The following CD300LG variants were observed in gnomAD, a reference collection of about 807,000 sequenced individuals.
CD300LG encodes the protein CD300 molecule like family member g.
CD300LG carries 29 observed loss-of-function variants against 31.5 expected under a neutral mutation model. The ratio of observed to expected loss-of-function variants is 0.92; its 90% CI spans 0.68 to 1.25. The LOEUF (loss-of-function observed/expected upper bound fraction) is 1.25, where lower values mean the gene tolerates loss of function less well. Ranked by LOEUF, CD300LG falls within the 50% of genes most tolerant of loss-of-function variation. The probability of loss-of-function intolerance (pLI) is 0.00; values close to 1 mark genes in which losing one functional copy is unlikely to be tolerated. For synonymous variants in CD300LG, 175 were observed against 177.2 expected (o/e 0.99, Z 0.10); for missense variants, 396 against 417.6 (o/e 0.95, Z 0.45).
chr17:43,854,091 A>G, intron 4 of CD300LG, 47 bp downstream of exon 4: 2 of 1,431,000 alleles, frequency 1.4e-6, no homozygotes, highest in Non-Finnish European at 1.9e-6. Flanking sequence ...TCACTAAACC[A>G]TAAGGTGCCT....
chr17:43,856,334 A>G (rs2143386193), intron 5 of CD300LG, among the ~76,000 whole-genome samples: 1 of 152,326 alleles, frequency 6.6e-6, no homozygotes, highest in Admixed American at 6.5e-5. Flanking sequence ...AAAAGGATTA[A>G]CCAAAATCTC....
Position 43,847,177 on chromosome 17 carries a change from C to T in CD300LG, c.-40C>T. The T allele has an allele frequency of 1.9e-6, 3 of 1,610,696 alleles. No homozygotes were observed. The highest frequency in any genetic ancestry group is 2.5e-6 in the Non-Finnish European group (3 of 1,178,290). ...ACCCGTGTGACTGAAGAGGAGCTCA[C>T]AGTTCCCAGCGTCTGCTCCCACGGT... On this transcript the variant is annotated 5_prime_UTR_variant, in exon 1 of 7. Transcript: ENST00000317310.
intron 2 of CD300LG, among the ~76,000 whole-genome samples, chr17:43,850,898 A>G (rs1217127719): frequency 6.6e-6 from 1 of 152,164 alleles, no homozygotes; most frequent in African/African-American, 2.4e-5. Flanking sequence ...GCACTTTGGG[A>G]GGTCAAGGCG....
intron 1 of CD300LG, 34 bp from the exon 2 acceptor site, chr17:43,848,524 G>A: frequency 1.9e-6 from 3 of 1,574,380 alleles, no homozygotes; most frequent in Non-Finnish European, 2.6e-6. Context: ...ATGGAGCCTG[G>A]TTTTTCCAAC....
chr17:43,857,812 G>A, intron 6 of CD300LG: 6 of 1,537,272 alleles, frequency 3.9e-6, no homozygotes, highest in Non-Finnish European at 5.2e-6. Flanking sequence ...TTTTCTCTGA[G>A]CCTGCCTTGG....
intron 6 of CD300LG, chr17:43,861,223 C>A: frequency 3.0e-6 from 3 of 985,340 alleles, no homozygotes; most frequent in Non-Finnish European, 3.6e-6. Flanking sequence ...CCTCTCCCAG[C>A]CTCTACACAG....
intron 5 of CD300LG, 146 bp from the exon 6 acceptor site, chr17:43,856,958 C>T: frequency 1.4e-6 from 1 of 714,458 alleles, no homozygotes; most frequent in South Asian, 1.6e-5. Flanking sequence ...CTGGAAGGGG[C>T]TCCTCTGCCC....
intron 5 of CD300LG, among the ~76,000 whole-genome samples, chr17:43,856,030 C>T (rs2046509950): frequency 6.6e-6 from 1 of 152,178 alleles, no homozygotes; most frequent in African/African-American, 2.4e-5. Context: ...CAGCCTTGAA[C>T]TCCATGGCTC....
At chr17:43,860,420 C>T (rs2046627274) in intron 6 of CD300LG, among the ~76,000 whole-genome samples, 1 of 152,284 alleles carries the variant, frequency 6.6e-6, no homozygotes, top group African/African-American at 2.4e-5. Context: ...ATGGGATTCA[C>T]TGTCCAGGAA....
At chr17:43,856,850 T>A (rs2046536927) in intron 5 of CD300LG, among the ~76,000 whole-genome samples, 1 of 152,234 alleles carries the variant, frequency 6.6e-6, no homozygotes. Flanking sequence ...AGCAGTGACC[T>A]TAGCACACAG....
chr17:43,847,996 T>C (rs2046233236), intron 1 of CD300LG, among the ~76,000 whole-genome samples: 1 of 151,722 alleles, frequency 6.6e-6, no homozygotes, highest in South Asian at 2.1e-4. Context: ...TAATCCAAGC[T>C]CTTTGGGAGG....
chr17:43,861,367 A>C (rs1597717830), intron 6 of CD300LG: 1 of 782,740 alleles, frequency 1.3e-6, no homozygotes, highest in Non-Finnish European at 1.6e-6. Flanking sequence ...TGCTCCCCAA[A>C]CCCCACACCC....
rs1425149398 is a variant in CD300LG, at chr17:43,853,769, T to C, written c.482-38T>C. 1.9e-6 allele frequency: 3 copies of C among 1,540,572 alleles called. No individual in the cohort carries two copies. The African/African-American group carries it at 4.1e-5, about 21-fold the overall frequency. On this transcript the variant is annotated intron_variant, in intron 3 of 6. Coordinates refer to ENST00000317310, the MANE Select transcript of CD300LG (RefSeq NM_145273.4). The stretch of plus-strand genomic sequence containing the variant: ...AGTCAGGGATGCTGGGATGCAAGGG[T>C]CAGGAAGGATGCTGAGGCATTGCTT...
chr17:43,858,987 G>T (rs2046599304), intron 6 of CD300LG, among the ~76,000 whole-genome samples: 1 of 152,132 alleles, frequency 6.6e-6, no homozygotes, highest in African/African-American at 2.4e-5. Context: ...TCCCATACGA[G>T]GTAGAGTTTA....
Position 43,861,943 on chromosome 17 carries a change from G to GA in CD300LG, c.*34dup. 6.7e-7 allele frequency: 1 copy of GA among 1,484,918 alleles called. No individual in the cohort carries two copies. Among genetic ancestry groups the GA allele is most frequent in the East Asian group, 2.4e-5 (1 of 42,444 alleles). 92.0% of individuals were successfully genotyped at this position (1,484,918 alleles called of 1,614,324 possible). A position where few individuals can be genotyped will look rare whatever the true frequency, so the allele number is the denominator to read the frequency against. ...AGGCCCTCCTGGCCAGGCCAGCAGT[G>GA]AAGCAGTATGGCTGGCTGGATCAGC... On this transcript the variant is annotated 3_prime_UTR_variant, in exon 7 of 7. Transcript: ENST00000317310.
chr17:43,852,173 G>A (rs2046378855), intron 2 of CD300LG, among the ~76,000 whole-genome samples: 1 of 151,796 alleles, frequency 6.6e-6, no homozygotes, highest in Non-Finnish European at 1.5e-5. Flanking sequence ...TGACAAGGTG[G>A]TTCAAAGCCT....
chr17:43,854,501 CT>C (rs1450778314), intron 4 of CD300LG, among the ~76,000 whole-genome samples: 2 of 152,218 alleles, frequency 1.3e-5, no homozygotes, highest in Non-Finnish European at 2.9e-5. Flanking sequence ...GGTTCAGGCC[CT>C]GCTGAAAGTG....
At chr17:43,852,169 G>C (rs1426080803) in intron 2 of CD300LG, among the ~76,000 whole-genome samples, 1 of 151,950 alleles carries the variant, frequency 6.6e-6, no homozygotes, top group African/African-American at 2.4e-5. Context: ...AAGCTGACAA[G>C]GTGGTTCAAA....
chr17:43,862,907 T>C lies in CD300LG; in HGVS notation c.*996T>C, dbSNP rs1386384595. On this transcript the variant is annotated 3_prime_UTR_variant, in exon 7 of 7. Transcript: ENST00000317310. The stretch of plus-strand genomic sequence containing the variant: ...AGTAGAAAACCAGAGTGCACGTAGG[T>C]GTCTAACACAGAGGAGAGTAGGAAC... 2 of 151,606 alleles carry C rather than the reference T, an allele frequency of 1.3e-5. No homozygotes were observed. Among genetic ancestry groups the C allele is most frequent in the Non-Finnish European group, 2.9e-5 (2 of 68,024 alleles). 9.4% of individuals were successfully genotyped at this position (151,606 alleles called of 1,614,324 possible). A position where few individuals can be genotyped will look rare whatever the true frequency, so the allele number is the denominator to read the frequency against.
Sources: allele counts gnomAD v4.1 joint callset (sites outside exome capture counted in the v4.1 genomes callset), GRCh38; gene constraint gnomAD v4.1.1; transcripts MANE v1.5; gene names NCBI Gene and HGNC (gene_info 2026-07-23, HGNC 2026-07-21).